DNAAF2: variants seen among roughly 807,000 people sequenced by gnomAD.
DNAAF2 encodes dynein axonemal assembly factor 2.
DNAAF2 carries 58 observed loss-of-function variants against 48.8 expected under a neutral mutation model. The observed-to-expected ratio is 1.19, with a 90% CI of 0.96 to 1.48. DNAAF2 has a LOEUF of 1.48. Ranked by LOEUF, DNAAF2 falls within the 40% of genes most tolerant of loss-of-function variation. DNAAF2 has a pLI of 0.00. For synonymous variants in DNAAF2, 567 were observed against 481.2 expected (o/e 1.18, Z -2.33); for missense variants, 1,241 against 1,116.1 (o/e 1.11, Z -1.59).
intron 1 of DNAAF2, among the ~76,000 whole-genome samples, chr14:49,632,914 TG>T (rs1195248235): frequency 6.3e-4 from 3 of 4,748 alleles, no homozygotes; most frequent in East Asian, 5.2e-3. Flanking sequence ...AATTTTAAGT[TG>T]TTTTTTTTTT....
At chr14:49,628,665 G>C (rs1883075079) in intron 1 of DNAAF2, among the ~76,000 whole-genome samples, 1 of 152,156 alleles carries the variant, frequency 6.6e-6, no homozygotes, top group Non-Finnish European at 1.5e-5. Flanking sequence ...ATGTTGGCCA[G>C]ACTGGTCTTG....
chr14:49,628,192 GTC>G, intron 1 of DNAAF2, 37 bp from the exon 2 acceptor site: 1 of 1,524,534 alleles, frequency 6.6e-7, no homozygotes, highest in African/African-American at 1.4e-5. Context: ...TGCCTAATAA[GTC>G]CCACTTGACA....
At position 49,634,483 on chromosome 14, in the gene DNAAF2, C is replaced by T; in HGVS notation, c.667G>A (p.Asp223Asn). The change falls in exon 1 of 3, where the codon GAC becomes AAC. Residue 223 changes from aspartate (D) to asparagine (N), a missense_variant. By Grantham distance (23) the Asp-to-Asn change is conservative. Transcript: ENST00000298292. Reference protein sequence around the residue: ...PDGEPKGPLPDFPYPYQYPAA... With the variant: ...PDGEPKGPLPNFPYPYQYPAA... The stretch of plus-strand genomic sequence containing the variant: ...GGGTACTGGTAAGGGTAGGGGAAGT[C>T]CGGGAGAGGACCCTTCGGCTCCCCG... The T allele has an allele frequency of 6.3e-7, 1 of 1,585,350 alleles. No individual in the cohort carries two copies. The highest frequency in any genetic ancestry group is 8.5e-7 in the Non-Finnish European group (1 of 1,171,874).
At chr14:49,631,846 T>C (rs767160361) in intron 1 of DNAAF2, among the ~76,000 whole-genome samples, 5 of 152,214 alleles carry the variant, frequency 3.3e-5, no homozygotes, top group Non-Finnish European at 5.9e-5. Flanking sequence ...GTAATGCATA[T>C]AATATTATCA....
At position 49,625,714 on chromosome 14, in the gene DNAAF2, GTTTC is replaced by G. The variant is rs1464397901; in HGVS notation, c.2338_2341del (p.Glu780GlnfsTer10). The G allele has an allele frequency of 1.9e-6, 3 of 1,613,472 alleles. No individual in the cohort carries two copies. The highest frequency in any genetic ancestry group is 2.2e-5 in the South Asian group (2 of 91,082). ...TAATGAAGATAGGTGATCTCCATCT[GTTTC>G]TTTCTCTTCAGTTATTACTGACTCG... On this transcript the variant is annotated frameshift_variant, in exon 3 of 3. Transcript: ENST00000298292. LOFTEE classifies it high-confidence loss of function.
In DNAAF2 at chr14:49,625,557, T is replaced by TA; in HGVS notation, c.2498dup (p.Tyr834IlefsTer2). The TA allele has an allele frequency of 6.3e-7, 1 of 1,592,818 alleles. No individual in the cohort carries two copies. The highest frequency in any genetic ancestry group is 8.5e-7 in the Non-Finnish European group (1 of 1,170,642). On this transcript the variant is annotated frameshift_variant, in exon 3 of 3. Coordinates refer to ENST00000298292, the MANE Select transcript of DNAAF2 (RefSeq NM_018139.3). LOFTEE classifies it high-confidence loss of function. ...TTATATAGAATTAATCCAAATCATA[T>TA]AGCAAAGAATTCTGAAAACTGAATG...
Position 49,625,861 on chromosome 14 carries a change from G to T in DNAAF2, c.2195C>A (p.Ser732Tyr). ...FGLVTCFQQE[S>Y]LDVSQMILGK... ...AAGTATCATTTGAGAAACATCAAGA[G>T]ACTCTTGTTGAAAGCATGTAACTAA... The change falls in exon 3 of 3, where the codon TCT (serine) becomes TAT (tyrosine). Residue 732 changes from serine (S) to tyrosine (Y), a missense_variant. By Grantham distance (144) the Ser-to-Tyr change is moderately radical. Coordinates refer to ENST00000298292, the MANE Select transcript of DNAAF2 (RefSeq NM_018139.3). 1 of 1,612,040 alleles carries T rather than the reference G, an allele frequency of 6.2e-7. No individual in the cohort carries two copies.
chr14:49,634,436 C>CGCCCGGG lies in DNAAF2; in HGVS notation c.707_713dup (p.Ser240GlyfsTer45), dbSNP rs1466085386. The CGCCCGGG allele has an allele frequency of 1.5e-5, 23 of 1,559,840 alleles. No homozygotes were observed. Among genetic ancestry groups the CGCCCGGG allele is most frequent in the Non-Finnish European group, 1.9e-5 (22 of 1,155,184 alleles). On this transcript the variant is annotated frameshift_variant, in exon 1 of 3. Coordinates refer to ENST00000298292, the MANE Select transcript of DNAAF2 (RefSeq NM_018139.3). LOFTEE classifies it high-confidence loss of function. The stretch of plus-strand genomic sequence containing the variant: ...GCAAGGCCGCTTCCGGAGGGGAGGG[C>CGCCCGGG]GCCCGGGGCCCGGGGGCTGCCGGGT...
Position 49,631,356 on chromosome 14 carries a change from T to G in DNAAF2, c.1863+1931A>C, listed in dbSNP as rs1413796504. Among the ~76,000 whole-genome samples the G allele has an allele frequency of 2.0e-5, 3 of 152,210 alleles. No individual in the cohort carries two copies. The East Asian group carries it at 5.8e-4, about 29-fold the overall frequency. On this transcript the variant is annotated intron_variant, in intron 1 of 2. Coordinates refer to ENST00000298292, the MANE Select transcript of DNAAF2 (RefSeq NM_018139.3). Reference sequence around the variant, plus strand: ...ACAGAAGATTTGCAGCCGGGCGCGGTGGCTCATGCCTGTAATCCCAGCACT... The same window carrying G: ...ACAGAAGATTTGCAGCCGGGCGCGGGGGCTCATGCCTGTAATCCCAGCACT...
At chr14:49,627,814 T>G (rs576817653) in intron 2 of DNAAF2, among the ~76,000 whole-genome samples, 198 bp downstream of exon 2, 1 of 150,446 alleles carries the variant, frequency 6.6e-6, no homozygotes, top group African/African-American at 2.5e-5. Flanking sequence ...GAGATCGCGC[T>G]ACTGCACTTC....
At position 49,634,698 on chromosome 14, in the gene DNAAF2, A is replaced by G. The variant is rs1228203410; in HGVS notation, c.452T>C (p.Leu151Pro). The change falls in exon 1 of 3, where the codon CTT (leucine) becomes CCT (proline). Residue 151 changes from leucine to proline, a missense_variant. Coordinates refer to ENST00000298292, the MANE Select transcript of DNAAF2 (RefSeq NM_018139.3). ...VYDVVFHPDA[L>P]ALARRHEGFR... ...GCCCTCGTGCCGCCGGGCCAGCGCAAGCGCGTCTGGATGGAAGACCACGTC... is the reference window on the plus strand; with the variant it reads ...GCCCTCGTGCCGCCGGGCCAGCGCAGGCGCGTCTGGATGGAAGACCACGTC... 1 of 1,606,048 alleles carries G rather than the reference A, an allele frequency of 6.2e-7. No homozygotes were observed. The highest frequency in any genetic ancestry group is 1.1e-5 in the South Asian group (1 of 91,074).
At chr14:49,630,669 C>CACACA (rs1555327684) in intron 1 of DNAAF2, among the ~76,000 whole-genome samples, 4 of 132,486 alleles carry the variant, frequency 3.0e-5, no homozygotes, top group Non-Finnish European at 4.8e-5. Context: ...AACTCTCTCT[C>CACACA]CACACACACA....
At chr14:49,628,622 T>G (rs1476454618) in intron 1 of DNAAF2, among the ~76,000 whole-genome samples, 1 of 152,090 alleles carries the variant, frequency 6.6e-6, no homozygotes, top group East Asian at 1.9e-4. Flanking sequence ...GCCGGACTAA[T>G]TTTTGTATTT....
rs1266707843 is a variant in DNAAF2 at position 49,634,309 on chromosome 14, G to C, written c.841C>G (p.His281Asp). 1.2e-6 allele frequency: 2 copies of C among 1,611,790 alleles called. No homozygotes were observed. The highest frequency in any genetic ancestry group is 2.2e-5 in the East Asian group (1 of 44,872). Residue 281 changes from histidine (H) to aspartate (D), a missense_variant, in exon 1 of 3, where the codon CAT (histidine) becomes GAT (aspartate). His to Asp is a moderately conservative substitution (Grantham distance 81). Transcript: ENST00000298292. ...AGTTCGATGGTGATCACCAGCTCAT[G>C]GGGCACGGGGCTCGGGGCTGAGTCC... ...SRDSAPSPVP[H>D]ELVITIELPL...
In DNAAF2 at chr14:49,628,175, A is replaced by G. The variant is rs1782740753; in HGVS notation, c.1864-20T>C. 2.0e-5 allele frequency: 31 copies of G among 1,557,340 alleles called. No individual in the cohort carries two copies. Among genetic ancestry groups the G allele is most frequent in the Non-Finnish European group, 2.6e-5 (30 of 1,149,402 alleles). ...CCTTTCCTAAAATAAAAAGGGAAAA[A>G]ATATTCTGCCTAATAAGTCCCACTT... On this transcript the variant is annotated intron_variant, in intron 1 of 2. Coordinates refer to ENST00000298292, the MANE Select transcript of DNAAF2 (RefSeq NM_018139.3).
Position 49,625,405 on chromosome 14 carries a change from TGCAA to T in DNAAF2, c.*133_*136del. The T allele has an allele frequency of 1.7e-6, 1 of 579,714 alleles. No individual in the cohort carries two copies. The highest frequency in any genetic ancestry group is 3.5e-5 in the East Asian group (1 of 28,580). The allele number at this position is 579,714 out of a possible 1,614,324, so 35.9% of individuals were successfully genotyped here. On this transcript the variant is annotated 3_prime_UTR_variant, in exon 3 of 3. Coordinates refer to ENST00000298292, the MANE Select transcript of DNAAF2 (RefSeq NM_018139.3). ...CAATTTCCCCCATGAGAATCAAAAT[TGCAA>T]TTTTTTAAAAAAAATTGCAAATTTT...
At chr14:49,627,706 T>C (rs966331049) in intron 2 of DNAAF2, among the ~76,000 whole-genome samples, 2 of 151,922 alleles carry the variant, frequency 1.3e-5, no homozygotes, top group African/African-American at 2.4e-5. Flanking sequence ...ATACAAAAAA[T>C]TAGCCAGGCA....
chr14:49,627,909 T>C, intron 2 of DNAAF2, 103 bp downstream of exon 2: 1 of 1,205,786 alleles, frequency 8.3e-7, no homozygotes, highest in Non-Finnish European at 1.1e-6. Flanking sequence ...GCCCAACCAT[T>C]ATGTAAATTT....
rs183196385 is a variant in DNAAF2, at chr14:49,632,074, C to T, written c.1863+1213G>A. The stretch of plus-strand genomic sequence containing the variant: ...CGTCGTTTATTTTCTAAAATGTTAG[C>T]ATACTTGAAAATCGGATTAAAATGT... On this transcript the variant is annotated intron_variant, in intron 1 of 2. Coordinates refer to ENST00000298292, the MANE Select transcript of DNAAF2 (RefSeq NM_018139.3). 1.0e-3 allele frequency among the ~76,000 whole-genome samples: 157 copies of T among 152,314 alleles called. 1 individual carries two copies. In the Middle Eastern group the frequency reaches 0.017, roughly 16 times the overall value.
Sources: gnomAD v4.1 joint callset for allele counts (sites outside exome capture counted in the v4.1 genomes callset) on GRCh38, gnomAD v4.1.1 for gene constraint, MANE v1.5 for transcripts, NCBI Gene and HGNC (gene_info 2026-07-23, HGNC 2026-07-21) for gene names.